Variants in IFT81 observed in about 807,000 individuals in gnomAD.
IFT81 encodes intraflagellar transport 81.
IFT81 carries 72 observed loss-of-function variants against 102.6 expected under a neutral mutation model. The ratio of observed to expected loss-of-function variants is 0.70; its 90% CI spans 0.58 to 0.85. The LOEUF (loss-of-function observed/expected upper bound fraction) is 0.85, where lower values mean the gene tolerates loss of function less well. Ranked by LOEUF, IFT81 falls within the 40% of genes least tolerant of loss-of-function variation. IFT81 has a pLI of 0.00. For synonymous variants in IFT81, 237 were observed against 242.7 expected (o/e 0.98, Z 0.22); for missense variants, 723 against 787.3 (o/e 0.92, Z 0.98).
intron 11 of IFT81, chr12:110,169,040 CCTT>C (rs1896600819): frequency 7.1e-6 from 1 of 141,006 alleles, no homozygotes; most frequent in South Asian, 2.3e-4. Context: ...TTCCTTCCTT[CCTT>C]CCTTCCTTCC....
chr12:110,178,806 G>A (rs1897160678), intron 11 of IFT81, among the ~76,000 whole-genome samples: 1 of 149,164 alleles, frequency 6.7e-6, no homozygotes, highest in East Asian at 2.0e-4. Flanking sequence ...TAGTAGAGAT[G>A]GGGTTTCACC....
chr12:110,173,059 C>T (rs1366688773), intron 11 of IFT81, among the ~76,000 whole-genome samples: 3 of 147,606 alleles, frequency 2.0e-5, no homozygotes, highest in Admixed American at 1.3e-4. Flanking sequence ...CCAGCTGCCC[C>T]TACTGGGAAG....
At chr12:110,184,798 G>T (rs1284060990) in intron 12 of IFT81, among the ~76,000 whole-genome samples, 1 of 152,180 alleles carries the variant, frequency 6.6e-6, no homozygotes, top group Non-Finnish European at 1.5e-5. Flanking sequence ...GCAGGACTGG[G>T]CCAACACTAG....
intron 11 of IFT81, among the ~76,000 whole-genome samples, chr12:110,176,195 C>A (rs547161128): frequency 2.6e-5 from 4 of 152,284 alleles, no homozygotes; most frequent in African/African-American, 9.6e-5. Context: ...CCCCTACTAC[C>A]CTGTGTCCCC....
At chr12:110,215,755 G>C (rs1870038624) in intron 18 of IFT81, among the ~76,000 whole-genome samples, 1 of 151,292 alleles carries the variant, frequency 6.6e-6, no homozygotes, top group South Asian at 2.1e-4. Flanking sequence ...CTTGCTTTCA[G>C]TCACCCTTCC....
At position 110,140,885 on chromosome 12, in the gene IFT81, G is replaced by A. The variant is rs527873638; in HGVS notation, c.782-2497G>A. 1.1e-4 allele frequency among the ~76,000 whole-genome samples: 17 copies of A among 151,918 alleles called. No homozygotes were observed. The South Asian group carries it at 2.3e-3, about 20-fold the overall frequency. The stretch of plus-strand genomic sequence containing the variant: ...ATTACAGGCATATGCCACCACGCCC[G>A]GCTAATTTTGTATATTTTTTTAGTA... On this transcript the variant is annotated intron_variant, in intron 8 of 18. Coordinates refer to ENST00000242591, the MANE Select transcript of IFT81 (RefSeq NM_014055.4).
At chr12:110,174,451 G>C (rs1421056468) in intron 11 of IFT81, among the ~76,000 whole-genome samples, 1 of 132,576 alleles carries the variant, frequency 7.5e-6, no homozygotes, top group Admixed American at 7.7e-5. Flanking sequence ...GCAAGACTCC[G>C]TCTCAGAAAA....
Position 110,161,766 on chromosome 12 carries a change from T to A in IFT81, c.1042-1153T>A, listed in dbSNP as rs564203834. ...ACTGCACCCAGCCTCCTTCATTTTT[T>A]AAGCTAGAATAGTTCTATGGAGTAA... On this transcript the variant is annotated intron_variant, in intron 10 of 18. Transcript: ENST00000242591. Among the ~76,000 whole-genome samples the A allele has an allele frequency of 3.3e-5, 5 of 152,294 alleles. No homozygotes were observed. The South Asian group carries it at 1.0e-3, about 32-fold the overall frequency.
At chr12:110,215,453 C>CTTTTTTTTTTTTTTTTTTTTTTTTTTTTT (rs556887393) in intron 18 of IFT81, among the ~76,000 whole-genome samples, 2 of 61,936 alleles carry the variant, frequency 3.2e-5, no homozygotes, top group Non-Finnish European at 5.7e-5. Flanking sequence ...TCTTCTTCTT[C>CTTTTTTTTTTTTTTTTTTTTTTTTTTTTT]TTTTTTTTTT....
chr12:110,137,534 G>C (rs1459305704), intron 8 of IFT81, among the ~76,000 whole-genome samples: 2 of 152,050 alleles, frequency 1.3e-5, no homozygotes, highest in Non-Finnish European at 2.9e-5. Flanking sequence ...AGGAGTTCGA[G>C]ACCAACCTGG....
At chr12:110,195,535 C>A (rs763351854) in intron 14 of IFT81, among the ~76,000 whole-genome samples, 7 of 152,142 alleles carry the variant, frequency 4.6e-5, no homozygotes, top group Non-Finnish European at 7.4e-5. Context: ...ACTTACTCTG[C>A]CTTCCACCTT....
chr12:110,155,085 T>G lies in IFT81; in HGVS notation c.1042-7834T>G, dbSNP rs1171643298. Among the ~76,000 whole-genome samples the G allele has an allele frequency of 9.0e-4, 137 of 152,210 alleles. 4 individuals are homozygous for G. Among genetic ancestry groups the G allele is most frequent in the Admixed American group, 9.0e-3 (137 of 15,264 alleles). The stretch of plus-strand genomic sequence containing the variant: ...TAGGTGTGAAAATATTTATAATTGC[T>G]TATAATCTTGCTGTATTGAACCTTT... On this transcript the variant is annotated intron_variant, in intron 10 of 18. Coordinates refer to ENST00000242591, the MANE Select transcript of IFT81 (RefSeq NM_014055.4).
At chr12:110,168,908 T>C (rs1232399415) in intron 11 of IFT81, 1 of 152,208 alleles carries the variant, frequency 6.6e-6, no homozygotes, top group Admixed American at 6.5e-5. Context: ...TTGGATGGAT[T>C]CCTGCCATTC....
intron 10 of IFT81, among the ~76,000 whole-genome samples, chr12:110,157,579 G>A (rs1039617027): frequency 6.6e-5 from 10 of 152,016 alleles, no homozygotes; most frequent in Non-Finnish European, 1.0e-4. Context: ...AATTGATGAA[G>A]TTTTCATACA....
chr12:110,206,207 T>C (rs1320580404), intron 17 of IFT81, among the ~76,000 whole-genome samples: 2 of 152,220 alleles, frequency 1.3e-5, no homozygotes, highest in South Asian at 2.1e-4. Flanking sequence ...GGAAATTGTG[T>C]GATTGCAGTG....
chr12:110,201,820 A>G (rs1178799802), intron 14 of IFT81, among the ~76,000 whole-genome samples: 1 of 152,138 alleles, frequency 6.6e-6, no homozygotes, highest in African/African-American at 2.4e-5. Context: ...AGGGTAATCA[A>G]TATCACTGTC....
intron 12 of IFT81, among the ~76,000 whole-genome samples, chr12:110,187,527 A>G (rs1317886916): frequency 6.6e-6 from 1 of 152,146 alleles, no homozygotes; most frequent in Non-Finnish European, 1.5e-5. Flanking sequence ...GGCCTCCCAA[A>G]GTGATGGGAT....
At chr12:110,158,620 C>T (rs987024237) in intron 10 of IFT81, among the ~76,000 whole-genome samples, 1 of 151,316 alleles carries the variant, frequency 6.6e-6, no homozygotes, top group African/African-American at 2.4e-5. Flanking sequence ...AATGGAGTCT[C>T]GCTCTTTCGC....
At chr12:110,164,568 T>C (rs1007021044) in intron 11 of IFT81, among the ~76,000 whole-genome samples, 3 of 152,164 alleles carry the variant, frequency 2.0e-5, no homozygotes, top group African/African-American at 7.2e-5. Flanking sequence ...CTGTTACAAA[T>C]TGGCAGTGAA....
Sources: allele counts gnomAD v4.1 joint callset (sites outside exome capture counted in the v4.1 genomes callset), GRCh38; gene constraint gnomAD v4.1.1; transcripts MANE v1.5; gene names NCBI Gene and HGNC (gene_info 2026-07-23, HGNC 2026-07-21).